The following GPC6 variants were observed in gnomAD, a reference collection of about 807,000 sequenced individuals.
GPC6 encodes the protein glypican 6, also known as glypican-6.
In GPC6, 14 loss-of-function variants were observed where a neutral mutation model predicts 55.2. That is an observed-to-expected ratio of 0.25 (90% CI 0.17 to 0.40). The LOEUF (loss-of-function observed/expected upper bound fraction) is 0.40. Among genes scored for constraint, GPC6 ranks in the 10% least tolerant of loss-of-function variants. GPC6 has a pLI of 1.00. For synonymous variants in GPC6, 278 were observed against 259.6 expected (o/e 1.07, Z -0.68); for missense variants, 641 against 708.5 (o/e 0.90, Z 1.08).
At chr13:93,377,621 A>G (rs979132010) in intron 1 of GPC6, among the ~76,000 whole-genome samples, 4 of 152,126 alleles carry the variant, frequency 2.6e-5, no homozygotes, top group Non-Finnish European at 5.9e-5. Context: ...TAGGAGGGGG[A>G]AAATTCTTTT....
chr13:93,232,962 T>A (rs1395573755), intron 1 of GPC6, among the ~76,000 whole-genome samples: 3 of 152,200 alleles, frequency 2.0e-5, no homozygotes, highest in Non-Finnish European at 4.4e-5. Context: ...TTCACATCTT[T>A]CAAATTACTT....
intron 3 of GPC6, among the ~76,000 whole-genome samples, chr13:93,839,583 C>T (rs532220118): frequency 2.1e-4 from 32 of 152,258 alleles, no homozygotes; most frequent in African/African-American, 7.5e-4. Context: ...GCTGTGTAAA[C>T]TTTGCACAGC....
chr13:93,305,910 A>C (rs558155935), intron 1 of GPC6, among the ~76,000 whole-genome samples: 70 of 152,334 alleles, frequency 4.6e-4, no homozygotes, highest in African/African-American at 1.6e-3. Context: ...TATGCACTGA[A>C]CTATATTAGA....
chr13:93,783,775 T>C (rs1885734028), intron 2 of GPC6, among the ~76,000 whole-genome samples: 1 of 152,178 alleles, frequency 6.6e-6, no homozygotes, highest in Admixed American at 6.6e-5. Context: ...CGTACTTCTC[T>C]CCCAACCTAC....
intron 4 of GPC6, among the ~76,000 whole-genome samples, chr13:94,198,310 C>T (rs1388750381): frequency 6.6e-6 from 1 of 152,146 alleles, no homozygotes; most frequent in African/African-American, 2.4e-5. Flanking sequence ...CTAATTCAGC[C>T]TCTCTGAGCC....
chr13:93,259,810 G>C (rs1220560608), intron 1 of GPC6, among the ~76,000 whole-genome samples: 1 of 151,976 alleles, frequency 6.6e-6, no homozygotes, highest in African/African-American at 2.4e-5. Flanking sequence ...TAATAATATA[G>C]TCAATTTCAA....
At chr13:93,746,666 A>C (rs554095782) in intron 2 of GPC6, among the ~76,000 whole-genome samples, 1 of 152,322 alleles carries the variant, frequency 6.6e-6, no homozygotes, top group African/African-American at 2.4e-5. Context: ...TTCTGATCTT[A>C]GACAATGCCC....
intron 2 of GPC6, among the ~76,000 whole-genome samples, chr13:93,678,521 T>G (rs574825911): frequency 6.6e-6 from 1 of 152,292 alleles, no homozygotes; most frequent in Non-Finnish European, 1.5e-5. Context: ...AGGGCTTAAG[T>G]TTTGGCTACA....
At chr13:93,311,163 C>T (rs2139108532) in intron 1 of GPC6, among the ~76,000 whole-genome samples, 1 of 152,274 alleles carries the variant, frequency 6.6e-6, no homozygotes, top group African/African-American at 2.4e-5. Context: ...AGCTGGGACT[C>T]ACTATGCTTA....
chr13:93,533,160 G>C (rs890011454), intron 1 of GPC6, among the ~76,000 whole-genome samples: 4 of 152,066 alleles, frequency 2.6e-5, no homozygotes, highest in Non-Finnish European at 5.9e-5. Flanking sequence ...GGAGGTTTAG[G>C]GTATTTGAAC....
intron 1 of GPC6, among the ~76,000 whole-genome samples, chr13:93,233,314 A>G (rs1207784660): frequency 6.6e-6 from 1 of 150,624 alleles, no homozygotes; most frequent in Non-Finnish European, 1.5e-5. Context: ...GATGAAAAAT[A>G]TGTTTTAAAT....
chr13:93,791,484 A>T (rs1408708249), intron 2 of GPC6, among the ~76,000 whole-genome samples: 1 of 152,232 alleles, frequency 6.6e-6, no homozygotes, highest in African/African-American at 2.4e-5. Flanking sequence ...TTCCAAAGAA[A>T]TTCAAAAGGA....
chr13:93,995,050 AT>A (rs1881474474), intron 3 of GPC6, among the ~76,000 whole-genome samples: 1 of 152,048 alleles, frequency 6.6e-6, no homozygotes, highest in Non-Finnish European at 1.5e-5. Flanking sequence ...GGTTGATATA[AT>A]TTTTACTTAT....
At chr13:93,445,113 A>T (rs915171463) in intron 1 of GPC6, among the ~76,000 whole-genome samples, 9 of 152,188 alleles carry the variant, frequency 5.9e-5, no homozygotes, top group Middle Eastern at 3.2e-3. Context: ...ATGTTATTTC[A>T]GTTAATAGTT....
intron 3 of GPC6, among the ~76,000 whole-genome samples, chr13:93,930,984 A>T (rs559705415): frequency 6.6e-6 from 1 of 152,096 alleles, no homozygotes; most frequent in Admixed American, 6.5e-5. Flanking sequence ...GTGGGTGGAG[A>T]GGTGCTATAC....
chr13:93,969,882 G>A lies in GPC6; in HGVS notation c.712-57847G>A, dbSNP rs141102846. ...CATAATGGCCTCCAGTTCCATCCAC[G>A]TTGCGCAAATGACAGGATTTCATTT... is the stretch of plus-strand genomic sequence containing the variant. On this transcript the variant is annotated intron_variant, in intron 3 of 8. Coordinates refer to ENST00000377047, the MANE Select transcript of GPC6 (RefSeq NM_005708.5). Among the ~76,000 whole-genome samples, 15 of 152,084 alleles carry A rather than the reference G, an allele frequency of 9.9e-5. No homozygotes were observed. The East Asian group carries it at 1.7e-3, about 18-fold the overall frequency.
intron 3 of GPC6, among the ~76,000 whole-genome samples, chr13:93,998,643 A>G (rs112518347): frequency 0.036 from 5,434 of 152,208 alleles, 338 homozygotes; most frequent in African/African-American, 0.12. Flanking sequence ...AATAGTTACT[A>G]TTGTATAACT....
At chr13:94,195,810 C>G (rs1889556643) in intron 4 of GPC6, among the ~76,000 whole-genome samples, 1 of 152,126 alleles carries the variant, frequency 6.6e-6, no homozygotes. Flanking sequence ...GGGGAAGAGC[C>G]CATACCAAGG....
At chr13:94,275,895 A>G (rs937594478) in intron 4 of GPC6, among the ~76,000 whole-genome samples, 2 of 152,228 alleles carry the variant, frequency 1.3e-5, no homozygotes, top group African/African-American at 2.4e-5. Flanking sequence ...TTCTTACTCT[A>G]TCAGATGGAC....
Sources: gnomAD v4.1 joint callset for allele counts (sites outside exome capture counted in the v4.1 genomes callset) on GRCh38, gnomAD v4.1.1 for gene constraint, MANE v1.5 for transcripts, NCBI Gene and HGNC (gene_info 2026-07-23, HGNC 2026-07-21) for gene names.